AGBL1: variants seen among roughly 807,000 people sequenced by gnomAD.
AGBL1 encodes AGBL carboxypeptidase 1.
In AGBL1, 130 loss-of-function variants were observed where a neutral mutation model predicts 118.9. The observed-to-expected ratio is 1.09, with a 90% CI of 0.95 to 1.26. The LOEUF (loss-of-function observed/expected upper bound fraction) is 1.26. Ranked by LOEUF, AGBL1 falls within the 50% of genes most tolerant of loss-of-function variation. AGBL1 has a pLI of 0.00. For missense variants in AGBL1, 1,584 were observed against 1,298.1 expected, an observed-to-expected ratio of 1.22 and a Z score of -3.38; for synonymous variants, 555 against 478.9, an observed-to-expected ratio of 1.16 and a Z score of -2.08.
intron 22 of AGBL1, among the ~76,000 whole-genome samples, chr15:86,901,786 A>G (rs2080215467): frequency 6.6e-6 from 1 of 152,076 alleles, no homozygotes; most frequent in South Asian, 2.1e-4. Flanking sequence ...GAAATTTGGT[A>G]CTTTTTTCAT....
At chr15:86,529,893 C>T (rs1451705472) in intron 19 of AGBL1, among the ~76,000 whole-genome samples, 4 of 141,674 alleles carry the variant, frequency 2.8e-5, no homozygotes, top group African/African-American at 1.1e-4. Context: ...AAATACTTTA[C>T]AGACAAGCAA....
chr15:86,097,934 C>A (rs1201084634), intron 1 of AGBL1, among the ~76,000 whole-genome samples: 1 of 152,076 alleles, frequency 6.6e-6, no homozygotes, highest in East Asian at 1.9e-4. Context: ...ACACTCCCAC[C>A]AAATGCATAT....
chr15:86,275,943 A>G (rs776734183), intron 15 of AGBL1, among the ~76,000 whole-genome samples: 3 of 152,236 alleles, frequency 2.0e-5, no homozygotes, highest in Non-Finnish European at 4.4e-5. Context: ...TGGGATAATA[A>G]TGGTATCTAC....
At chr15:86,096,065 TTTTG>T (rs1395812475) in intron 1 of AGBL1, among the ~76,000 whole-genome samples, 1 of 152,158 alleles carries the variant, frequency 6.6e-6, no homozygotes, top group Admixed American at 6.6e-5. Flanking sequence ...ATTAAAATTT[TTTTG>T]TTTCTTTTTC....
chr15:86,421,469 A>G (rs1236593394), intron 18 of AGBL1, among the ~76,000 whole-genome samples: 1 of 152,220 alleles, frequency 6.6e-6, no homozygotes, highest in Non-Finnish European at 1.5e-5. Context: ...AAATATGGAA[A>G]GGAAAAACCA....
intron 22 of AGBL1, among the ~76,000 whole-genome samples, chr15:86,863,700 T>C (rs116741266): frequency 0.016 from 2,368 of 152,270 alleles, 60 homozygotes; most frequent in African/African-American, 0.054. Context: ...ATATTGTAAA[T>C]GTTGGAACAT....
At chr15:86,277,334 G>A (rs2079273795) in intron 15 of AGBL1, among the ~76,000 whole-genome samples, 1 of 149,612 alleles carries the variant, frequency 6.7e-6, no homozygotes, top group Non-Finnish European at 1.5e-5. Flanking sequence ...GTGTGTGTGT[G>A]TGTGTATGTT....
intron 17 of AGBL1, among the ~76,000 whole-genome samples, chr15:86,349,040 A>G (rs2080584487): frequency 6.6e-6 from 1 of 152,222 alleles, no homozygotes; most frequent in Non-Finnish European, 1.5e-5. Context: ...TAGAGAAAAG[A>G]TGGCAATGTG....
At chr15:86,975,760 T>C (rs919810740) in intron 23 of AGBL1, among the ~76,000 whole-genome samples, 1 of 152,204 alleles carries the variant, frequency 6.6e-6, no homozygotes, top group Non-Finnish European at 1.5e-5. Context: ...TAAATGTCAA[T>C]TTTGCAGGAA....
intron 22 of AGBL1, among the ~76,000 whole-genome samples, chr15:86,698,576 A>G (rs745325655): frequency 6.7e-6 from 1 of 149,260 alleles, no homozygotes; most frequent in Non-Finnish European, 1.5e-5. Context: ...CTCCTTTTTT[A>G]TTGGAATTCC....
chr15:86,958,436 A>T (rs2080956432), intron 23 of AGBL1, among the ~76,000 whole-genome samples: 1 of 152,106 alleles, frequency 6.6e-6, no homozygotes, highest in African/African-American at 2.4e-5. Flanking sequence ...GGTATAGACA[A>T]GAAAAATAAT....
chr15:86,266,552 C>T, intron 12 of AGBL1, 95 bp downstream of exon 12: 2 of 846,668 alleles, frequency 2.4e-6, no homozygotes, highest in Non-Finnish European at 3.6e-6. Context: ...TCCACTCCTC[C>T]TCCTAAAACA....
At chr15:86,533,733 C>T (rs2083382320) in intron 19 of AGBL1, among the ~76,000 whole-genome samples, 1 of 114,700 alleles carries the variant, frequency 8.7e-6, no homozygotes, top group Non-Finnish European at 1.6e-5. Flanking sequence ...CAATGATAGA[C>T]TGGATTAAGA....
intron 5 of AGBL1, among the ~76,000 whole-genome samples, chr15:86,185,950 A>G (rs1394707746): frequency 2.0e-5 from 3 of 152,144 alleles, no homozygotes; most frequent in Non-Finnish European, 2.9e-5. Flanking sequence ...ATTCTAAAAT[A>G]AAAATTTTTT....
intron 22 of AGBL1, among the ~76,000 whole-genome samples, chr15:86,696,228 T>G (rs980214403): frequency 6.6e-6 from 1 of 152,016 alleles, no homozygotes; most frequent in African/African-American, 2.4e-5. Flanking sequence ...ATTTCTTAGG[T>G]CTAGTAGTAA....
chr15:86,643,785 AT>A (rs1165510157), intron 21 of AGBL1, among the ~76,000 whole-genome samples: 1 of 152,156 alleles, frequency 6.6e-6, no homozygotes, highest in Non-Finnish European at 1.5e-5. Flanking sequence ...GTATTTAAGG[AT>A]TTTATTTATG....
rs74025019 is a variant in AGBL1 at position 86,212,562 on chromosome 15, T to C, written c.489-12352T>C. On this transcript the variant is annotated intron_variant, in intron 5 of 22. Transcript: ENST00000614907. ...AATGAGAATTTCAGGTAGTTCAGCATGCCTGGAGTTCTCTGAGAGATTATA... is the reference window on the plus strand; with the variant it reads ...AATGAGAATTTCAGGTAGTTCAGCACGCCTGGAGTTCTCTGAGAGATTATA... 9.0e-3 allele frequency among the ~76,000 whole-genome samples: 1,371 copies of C among 152,350 alleles called. 18 individuals are homozygous for C. Among genetic ancestry groups the C allele is most frequent in the African/African-American group, 0.032 (1,316 of 41,572 alleles).
chr15:86,249,250 T>A (rs1443957619), intron 7 of AGBL1, among the ~76,000 whole-genome samples: 1 of 152,180 alleles, frequency 6.6e-6, no homozygotes, highest in Non-Finnish European at 1.5e-5. Flanking sequence ...AGGCCACCTC[T>A]GGACTCCCTT....
chr15:86,181,611 A>G (rs1197705642), intron 5 of AGBL1, among the ~76,000 whole-genome samples: 1 of 152,028 alleles, frequency 6.6e-6, no homozygotes, highest in African/African-American at 2.4e-5. Flanking sequence ...GTGATGTTTC[A>G]AAGGTACATA....
Sources: allele counts gnomAD v4.1 joint callset (sites outside exome capture counted in the v4.1 genomes callset), GRCh38; gene constraint gnomAD v4.1.1; transcripts MANE v1.5; gene names NCBI Gene and HGNC (gene_info 2026-07-23, HGNC 2026-07-21).